Variants in MID1 observed in about 807,000 individuals in gnomAD.
MID1 encodes midline 1.
In MID1, 7 loss-of-function variants were observed where a neutral mutation model predicts 40.4. The observed-to-expected ratio is 0.17, with a 90% CI of 0.10 to 0.33. The LOEUF (loss-of-function observed/expected upper bound fraction) is 0.33. Among genes scored for constraint, MID1 ranks in the 10% least tolerant of loss-of-function variants. MID1 has a pLI of 1.00. For synonymous variants in MID1, 229 were observed against 221.2 expected (o/e 1.04, Z -0.31); for missense variants, 367 against 558.5 (o/e 0.66, Z 3.46).
In MID1 at chrX:10,636,785, G is replaced by GAGATATATATATATATAT. The variant is rs757390504; in HGVS notation, c.-186-16367_-186-16366insATATATATATATATATCT. Among the ~76,000 whole-genome samples, 175 of 42,698 alleles carry GAGATATATATATATATAT rather than the reference G, an allele frequency of 4.1e-3. 7 individuals carry two copies. Among genetic ancestry groups the GAGATATATATATATATAT allele is most frequent in the Middle Eastern group, 0.015 (1 of 68 alleles). 37.1% of individuals were successfully genotyped at this position (42,698 alleles called of 115,157 possible). On this transcript the variant is annotated intron_variant, in intron 1 of 10. Transcript: ENST00000380785. ...CAAACTGGGCCATTCCAACAATGGG[G>GAGATATATATATATATAT]ATATATATATATATATATATATATA...
At chrX:10,542,714 C>T (rs1933520825) in intron 2 of MID1, among the ~76,000 whole-genome samples, 1 of 111,870 alleles carries the variant, frequency 8.9e-6, no homozygotes, top group Non-Finnish European at 1.9e-5. Context: ...CCATCCCTGA[C>T]TAGGATCAAT....
chrX:10,502,695 T>C (rs954373088), intron 3 of MID1, among the ~76,000 whole-genome samples: 1 of 112,032 alleles, frequency 8.9e-6, no homozygotes, highest in Non-Finnish European at 1.9e-5. Context: ...CTTTACAAGT[T>C]TGCCTAGATT....
At chrX:10,713,557 G>A (rs1160962382) in intron 1 of MID1, among the ~76,000 whole-genome samples, 1 of 111,221 alleles carries the variant, frequency 9.0e-6, no homozygotes, top group East Asian at 2.9e-4. Flanking sequence ...CAAACTCCTG[G>A]GCTCAAGCAA....
chrX:10,785,768 A>G (rs1442175348), intron 1 of MID1, among the ~76,000 whole-genome samples: 2 of 112,000 alleles, frequency 1.8e-5, no homozygotes, highest in Non-Finnish European at 3.8e-5. Flanking sequence ...AGCCATATGT[A>G]GAAAGCTGAA....
At chrX:10,790,764 T>C in intron 1 of MID1, among the ~76,000 whole-genome samples, 1 of 112,280 alleles carries the variant, frequency 8.9e-6, no homozygotes, top group East Asian at 2.8e-4. Context: ...CTGAATTTTC[T>C]TTTCCAGTCA....
At chrX:10,526,228 G>C (rs908962926) in intron 2 of MID1, among the ~76,000 whole-genome samples, 2 of 111,062 alleles carry the variant, frequency 1.8e-5, no homozygotes, top group African/African-American at 6.5e-5. Flanking sequence ...GTCAGAGAAT[G>C]AACTAGACAC....
At chrX:10,788,631 G>A (rs777650028) in intron 1 of MID1, among the ~76,000 whole-genome samples, 8 of 110,743 alleles carry the variant, frequency 7.2e-5, no homozygotes, top group Non-Finnish European at 1.5e-4. Flanking sequence ...TGCCACCCAG[G>A]GATTTTCAGC....
chrX:10,779,039 G>T (rs2043826942), intron 1 of MID1, among the ~76,000 whole-genome samples: 1 of 112,786 alleles, frequency 8.9e-6, no homozygotes, highest in South Asian at 3.6e-4. Flanking sequence ...ATGCCAAGGG[G>T]ATGGAAGGGG....
At chrX:10,454,832 T>A in intron 9 of MID1, 38 bp downstream of exon 9, 4 of 1,124,094 alleles carry the variant, frequency 3.6e-6, no homozygotes, top group Non-Finnish European at 4.9e-6. Flanking sequence ...GAGATGTGCC[T>A]TTTTATAACT....
Position 10,648,602 on chromosome X carries a change from G to A in MID1, c.-186-28183C>T, listed in dbSNP as rs186354335. The stretch of plus-strand genomic sequence containing the variant: ...AAGATATATCTACCTCATTGAGATC[G>A]TAAGTCCATAGTAAGGATTCATTAT... On this transcript the variant is annotated intron_variant, in intron 1 of 10. Transcript: ENST00000380785. Among the ~76,000 whole-genome samples the A allele has an allele frequency of 2.9e-4, 32 of 111,896 alleles. No individual in the cohort carries two copies. In the East Asian group the frequency reaches 6.5e-3, roughly 23 times the overall value.
chrX:10,770,949 C>T (rs1364923819), intron 1 of MID1, among the ~76,000 whole-genome samples: 1 of 108,691 alleles, frequency 9.2e-6, no homozygotes, highest in Admixed American at 9.8e-5. Flanking sequence ...ACTAAAAATA[C>T]AAAAAAATTA....
chrX:10,577,283 G>A (rs1042940546), intron 1 of MID1, among the ~76,000 whole-genome samples: 2 of 111,963 alleles, frequency 1.8e-5, no homozygotes, highest in African/African-American at 3.2e-5. Flanking sequence ...CCCAGCTCCT[G>A]GGGCTGGGAA....
intron 1 of MID1, among the ~76,000 whole-genome samples, chrX:10,758,718 G>A (rs892200752): frequency 9.1e-6 from 1 of 109,301 alleles, no homozygotes; most frequent in Non-Finnish European, 1.9e-5. Flanking sequence ...TCGATCTCCT[G>A]ACCTCATGAT....
At chrX:10,591,923 C>T (rs1407615893) in intron 1 of MID1, among the ~76,000 whole-genome samples, 1 of 110,937 alleles carries the variant, frequency 9.0e-6, no homozygotes, top group Admixed American at 9.6e-5. Flanking sequence ...TCTTCCATTC[C>T]AGGCTATCAA....
chrX:10,526,477 T>C (rs1002679625), intron 2 of MID1, among the ~76,000 whole-genome samples: 1 of 111,824 alleles, frequency 8.9e-6, no homozygotes, highest in African/African-American at 3.3e-5. Context: ...TTTTGGTATG[T>C]TAATACTAGG....
intron 1 of MID1, among the ~76,000 whole-genome samples, chrX:10,813,728 T>C (rs2044117684): frequency 9.0e-6 from 1 of 111,578 alleles, no homozygotes; most frequent in Admixed American, 9.6e-5. Context: ...CCTACTAGCA[T>C]CATTTTCCTC....
intron 1 of MID1, among the ~76,000 whole-genome samples, chrX:10,579,084 C>T (rs750082054): frequency 8.9e-6 from 1 of 111,865 alleles, no homozygotes; most frequent in East Asian, 2.8e-4. Flanking sequence ...CTTCACAAAC[C>T]CCTCAGTCAT....
At chrX:10,799,944 CTT>C (rs1192963458) in intron 1 of MID1, among the ~76,000 whole-genome samples, 3 of 102,993 alleles carry the variant, frequency 2.9e-5, no homozygotes, top group Admixed American at 1.0e-4. Flanking sequence ...ATTTCCTAGT[CTT>C]TTTTTTTTTT....
At chrX:10,685,433 A>C (rs1350371588) in intron 1 of MID1, among the ~76,000 whole-genome samples, 6 of 111,812 alleles carry the variant, frequency 5.4e-5, no homozygotes, top group Non-Finnish European at 9.4e-5. Flanking sequence ...AAAATCTAAA[A>C]ATATCACTCT....
Sources: gnomAD v4.1 joint callset for allele counts (sites outside exome capture counted in the v4.1 genomes callset) on GRCh38, gnomAD v4.1.1 for gene constraint, MANE v1.5 for transcripts, NCBI Gene and HGNC (gene_info 2026-07-23, HGNC 2026-07-21) for gene names.